The following BNC2 variants were observed in gnomAD, a reference collection of about 807,000 sequenced individuals.
BNC2 encodes basonuclin zinc finger protein 2, also known as zinc finger protein basonuclin-2.
BNC2 carries 20 observed loss-of-function variants against 76.3 expected under a neutral mutation model. The ratio of observed to expected loss-of-function variants is 0.26; its 90% CI spans 0.18 to 0.38. The LOEUF (loss-of-function observed/expected upper bound fraction) is 0.38. Among genes scored for constraint, BNC2 ranks in the 10% least tolerant of loss-of-function variants. The probability of loss-of-function intolerance (pLI) is 1.00; values close to 1 mark genes in which losing one functional copy is unlikely to be tolerated. For synonymous variants in BNC2, 582 were observed against 514.8 expected, an observed-to-expected ratio of 1.13 and a Z score of -1.77; for missense variants, 1,382 against 1,399.8, an observed-to-expected ratio of 0.99 and a Z score of 0.20.
chr9:16,596,296 C>A (rs1465371702), intron 3 of BNC2, among the ~76,000 whole-genome samples: 1 of 152,046 alleles, frequency 6.6e-6, no homozygotes, highest in Non-Finnish European at 1.5e-5. Context: ...TGAAGGAAAG[C>A]TAATATACAG....
chr9:16,465,572 T>C (rs1321939126), intron 5 of BNC2, among the ~76,000 whole-genome samples: 1 of 152,070 alleles, frequency 6.6e-6, no homozygotes, highest in African/African-American at 2.4e-5. Context: ...CACAATTGTA[T>C]ACTGGTTGAC....
chr9:16,753,209 A>C (rs1825273309), intron 1 of BNC2, among the ~76,000 whole-genome samples: 1 of 152,226 alleles, frequency 6.6e-6, no homozygotes, highest in African/African-American at 2.4e-5. Context: ...TACATTCTTC[A>C]AAAAGATTTT....
At chr9:16,590,245 T>C (rs1359786282) in intron 3 of BNC2, among the ~76,000 whole-genome samples, 1 of 152,084 alleles carries the variant, frequency 6.6e-6, no homozygotes, top group Non-Finnish European at 1.5e-5. Flanking sequence ...CAGGCTAGAG[T>C]GCAATGGCAC....
chr9:16,739,752 G>A (rs1164955058), intron 1 of BNC2, among the ~76,000 whole-genome samples: 1 of 152,132 alleles, frequency 6.6e-6, no homozygotes, highest in Non-Finnish European at 1.5e-5. Flanking sequence ...AGAAGATACT[G>A]TGAAGATAAA....
At chr9:16,682,664 C>G (rs184882644) in intron 3 of BNC2, among the ~76,000 whole-genome samples, 8 of 152,234 alleles carry the variant, frequency 5.3e-5, no homozygotes, top group Admixed American at 5.2e-4. Context: ...AGAAAGGAGC[C>G]TGTGGTTTAT....
intron 3 of BNC2, among the ~76,000 whole-genome samples, chr9:16,711,873 G>C (rs1397438987): frequency 6.6e-6 from 1 of 152,198 alleles, no homozygotes; most frequent in Non-Finnish European, 1.5e-5. Context: ...TACTCGTTTT[G>C]AGACCAAAGA....
chr9:16,672,833 G>T (rs954139118), intron 3 of BNC2, among the ~76,000 whole-genome samples: 2 of 152,178 alleles, frequency 1.3e-5, no homozygotes, highest in African/African-American at 4.8e-5. Context: ...AGCAATCTAA[G>T]AGCAAGGTAA....
chr9:16,668,722 G>A (rs1822379020), intron 3 of BNC2, among the ~76,000 whole-genome samples: 1 of 152,180 alleles, frequency 6.6e-6, no homozygotes, highest in African/African-American at 2.4e-5. Context: ...GGAAGAATTG[G>A]CAGGGTGGTT....
At chr9:16,691,573 G>A (rs1252865228) in intron 3 of BNC2, among the ~76,000 whole-genome samples, 2 of 141,810 alleles carry the variant, frequency 1.4e-5, no homozygotes, top group East Asian at 4.2e-4. Flanking sequence ...GCAGTGGTGC[G>A]ATCTTGGCTC....
intron 1 of BNC2, among the ~76,000 whole-genome samples, chr9:16,767,217 T>C (rs957956268): frequency 6.6e-5 from 10 of 152,296 alleles, no homozygotes; most frequent in African/African-American, 2.4e-4. Flanking sequence ...ACCAGTCAAT[T>C]AAATCTCAAG....
Position 16,558,972 on chromosome 9 carries a change from G to A in BNC2, c.434-6207C>T, listed in dbSNP as rs554370145. Among the ~76,000 whole-genome samples the A allele has an allele frequency of 4.0e-5, 6 of 151,726 alleles. No individual in the cohort carries two copies. In the South Asian group the frequency reaches 6.3e-4, roughly 16 times the overall value. On this transcript the variant is annotated intron_variant, in intron 4 of 6. Coordinates refer to ENST00000380672, the MANE Select transcript of BNC2 (RefSeq NM_017637.6). ...AAAAAGTAATTTCAAAGTAGTGGTCGGTGTTCAACTAAAAGTATGTTAGTT... is the reference window on the plus strand; with the variant it reads ...AAAAAGTAATTTCAAAGTAGTGGTCAGTGTTCAACTAAAAGTATGTTAGTT...
chr9:16,601,286 T>G (rs1820236824), intron 3 of BNC2, among the ~76,000 whole-genome samples: 1 of 152,100 alleles, frequency 6.6e-6, no homozygotes, highest in Non-Finnish European at 1.5e-5. Context: ...CGAGAAGAAG[T>G]GCCTCCTCAA....
chr9:16,519,887 T>A (rs1251748685), intron 5 of BNC2, among the ~76,000 whole-genome samples: 1 of 152,152 alleles, frequency 6.6e-6, no homozygotes, highest in African/African-American at 2.4e-5. Context: ...AGGAGTTATG[T>A]TCCAGTGGAG....
intron 3 of BNC2, among the ~76,000 whole-genome samples, chr9:16,593,073 A>T (rs563384084): frequency 6.6e-6 from 1 of 152,104 alleles, no homozygotes; most frequent in Non-Finnish European, 1.5e-5. Flanking sequence ...TCAAAGTATT[A>T]AAAAAATTCT....
intron 5 of BNC2, among the ~76,000 whole-genome samples, chr9:16,531,398 G>GA (rs948204701): frequency 1.5e-3 from 199 of 134,556 alleles, no homozygotes; most frequent in African/African-American, 3.3e-3. Flanking sequence ...GAGGGAATAA[G>GA]AAAAAAAAAA....
rs574006723 is a variant in BNC2 at position 16,616,289 on chromosome 9, G to C, written c.331-33204C>G. ...TACCTATAGTCCCAGCTCCTTGGGA[G>C]GCTGAGGCAGCAGGATTGCTTGAGC... On this transcript the variant is annotated intron_variant, in intron 3 of 6. Transcript: ENST00000380672. Among the ~76,000 whole-genome samples, 5 of 152,264 alleles carry C rather than the reference G, an allele frequency of 3.3e-5. 1 individual carries two copies. In the South Asian group the frequency reaches 1.0e-3, roughly 32 times the overall value.
chr9:16,527,367 T>C (rs1342321716), intron 5 of BNC2, among the ~76,000 whole-genome samples: 2 of 152,176 alleles, frequency 1.3e-5, no homozygotes, highest in African/African-American at 2.4e-5. Context: ...TCACCACCCA[T>C]CTTATCTCCC....
At chr9:16,659,418 G>A (rs920987467) in intron 3 of BNC2, among the ~76,000 whole-genome samples, 6 of 151,958 alleles carry the variant, frequency 3.9e-5, no homozygotes, top group Non-Finnish European at 5.9e-5. Flanking sequence ...GACCATCCTG[G>A]CCAACATGGT....
chr9:16,791,960 G>A (rs1316136627), intron 1 of BNC2, among the ~76,000 whole-genome samples: 1 of 151,984 alleles, frequency 6.6e-6, no homozygotes, highest in Non-Finnish European at 1.5e-5. Flanking sequence ...AAATTAGCCA[G>A]GTGTGGTTGC....
Sources: allele counts gnomAD v4.1 joint callset (sites outside exome capture counted in the v4.1 genomes callset), GRCh38; gene constraint gnomAD v4.1.1; transcripts MANE v1.5; gene names NCBI Gene and HGNC (gene_info 2026-07-23, HGNC 2026-07-21).